Variants in FAM120C observed in about 807,000 individuals in gnomAD.
FAM120C encodes family with sequence similarity 120 member C.
Under a neutral mutation model 71.2 loss-of-function variants are expected in FAM120C, and 14 were observed. The ratio of observed to expected loss-of-function variants is 0.20; its 90% CI spans 0.13 to 0.31. FAM120C has a LOEUF of 0.31. FAM120C is among the 10% of genes least tolerant of loss of function. The pLI is 1.00. For missense variants in FAM120C, 500 were observed against 879.0 expected (o/e 0.57, Z 5.45); for synonymous variants, 354 against 353.2 (o/e 1.00, Z -0.03).
chrX:54,091,496 T>C, intron 10 of FAM120C, 70 bp from the exon 11 acceptor site: 1 of 762,206 alleles, frequency 1.3e-6, no homozygotes, highest in Non-Finnish European at 1.9e-6. Context: ...CTTATTAAGC[T>C]AAGAACCTAT....
chrX:54,127,249 GA>G (rs1403036609), intron 9 of FAM120C, among the ~76,000 whole-genome samples: 4 of 110,919 alleles, frequency 3.6e-5, no homozygotes, highest in African/African-American at 1.3e-4. Context: ...ATATATTGAT[GA>G]AGGATACTGG....
At position 54,087,390 on chromosome X, in the gene FAM120C, C is replaced by CA. The variant is rs371884994; in HGVS notation, c.2637+364dup. Among the ~76,000 whole-genome samples the CA allele has an allele frequency of 1.4e-3, 121 of 89,621 alleles. 1 individual carries two copies. Among genetic ancestry groups the CA allele is most frequent in the African/African-American group, 3.0e-3 (73 of 24,489 alleles). The allele number at this position is 89,621 out of a possible 115,157, so 77.8% of individuals were successfully genotyped here. A position where few individuals can be genotyped will look rare whatever the true frequency, so the allele number is the denominator to read the frequency against. On this transcript the variant is annotated intron_variant, in intron 12 of 15. Transcript: ENST00000375180. The stretch of plus-strand genomic sequence containing the variant: ...TCTGTTTCCAAACACAGCTCCTTTA[C>CA]AAAAAAAAAAAATTGCTTGCAAAAG...
intron 9 of FAM120C, among the ~76,000 whole-genome samples, chrX:54,128,595 T>C (rs1192011405): frequency 9.0e-6 from 1 of 110,739 alleles, no homozygotes; most frequent in East Asian, 2.8e-4. Context: ...AGGTCTCTGG[T>C]TTTCCTAGGC....
At chrX:54,179,374 G>A (rs781783996) in intron 1 of FAM120C, among the ~76,000 whole-genome samples, 1 of 112,201 alleles carries the variant, frequency 8.9e-6, no homozygotes, top group South Asian at 3.7e-4. Context: ...AAAGAGGGGA[G>A]AGATACAGTA....
intron 1 of FAM120C, among the ~76,000 whole-genome samples, chrX:54,169,832 C>A (rs1246114242): frequency 8.9e-6 from 1 of 112,313 alleles, no homozygotes; most frequent in Non-Finnish European, 1.9e-5. Flanking sequence ...ACTGTTGATG[C>A]AAATATGCAT....
At chrX:54,074,803 G>A (rs1272152559) in intron 15 of FAM120C, among the ~76,000 whole-genome samples, 1 of 112,508 alleles carries the variant, frequency 8.9e-6, no homozygotes, top group Non-Finnish European at 1.9e-5. Flanking sequence ...TTGTAGTGCA[G>A]TGCTGGCTCT....
At chrX:54,144,267 C>T (rs782338046) in intron 4 of FAM120C, among the ~76,000 whole-genome samples, 1,874 of 110,949 alleles carry the variant, frequency 0.017, 18 homozygotes, top group Middle Eastern at 0.023. Context: ...GACAGGGATG[C>T]CCTCTCTCAC....
At chrX:54,097,684 T>C (rs2066859080) in intron 10 of FAM120C, among the ~76,000 whole-genome samples, 1 of 112,113 alleles carries the variant, frequency 8.9e-6, no homozygotes, top group African/African-American at 3.2e-5. Context: ...TTCTCCTTTT[T>C]ATATCTTCTT....
intron 9 of FAM120C, among the ~76,000 whole-genome samples, chrX:54,130,006 C>T (rs936035551): frequency 2.0e-5 from 2 of 100,329 alleles, no homozygotes; most frequent in African/African-American, 7.4e-5. Context: ...AGAGGGAGAC[C>T]GTGGAAAGAG....
chrX:54,153,766 C>T (rs905114263), intron 3 of FAM120C, among the ~76,000 whole-genome samples: 3 of 110,438 alleles, frequency 2.7e-5, no homozygotes, highest in African/African-American at 9.9e-5. Flanking sequence ...TGAGGTTTCA[C>T]CATGTTGGTC....
intron 4 of FAM120C, among the ~76,000 whole-genome samples, chrX:54,141,511 G>A (rs1254572249): frequency 9.0e-6 from 1 of 110,551 alleles, no homozygotes; most frequent in Non-Finnish European, 1.9e-5. Flanking sequence ...AAAAACTACA[G>A]CTAATATCCT....
At chrX:54,142,519 A>C (rs2067130943) in intron 4 of FAM120C, among the ~76,000 whole-genome samples, 1 of 111,977 alleles carries the variant, frequency 8.9e-6, no homozygotes, top group East Asian at 2.8e-4. Context: ...GTCGAACTGC[A>C]AGGCAGCAGC....
At chrX:54,156,534 C>T (rs1557133724) in intron 3 of FAM120C, among the ~76,000 whole-genome samples, 1 of 107,398 alleles carries the variant, frequency 9.3e-6, no homozygotes, top group African/African-American at 3.4e-5. Flanking sequence ...CTGCAACAGT[C>T]TTGATAACAG....
intron 1 of FAM120C, among the ~76,000 whole-genome samples, chrX:54,162,553 G>A (rs1396515828): frequency 8.9e-6 from 1 of 111,864 alleles, no homozygotes; most frequent in African/African-American, 3.3e-5. Context: ...AAAGGACAGA[G>A]AACAGGAGTT....
chrX:54,127,105 A>G (rs1292357446), intron 9 of FAM120C, among the ~76,000 whole-genome samples: 1 of 111,140 alleles, frequency 9.0e-6, no homozygotes, highest in Non-Finnish European at 1.9e-5. Context: ...TTATAAGGGC[A>G]CTAATCTCAT....
chrX:54,100,296 C>T (rs2066875494), intron 10 of FAM120C, among the ~76,000 whole-genome samples: 1 of 111,146 alleles, frequency 9.0e-6, no homozygotes, highest in African/African-American at 3.3e-5. Context: ...CGGAGACCAT[C>T]CTGGCTAACA....
intron 4 of FAM120C, among the ~76,000 whole-genome samples, chrX:54,137,233 G>A (rs1389328925): frequency 3.6e-5 from 4 of 111,307 alleles, no homozygotes; most frequent in African/African-American, 9.8e-5. Flanking sequence ...GATTACAGGC[G>A]TAAGCCACGG....
intron 9 of FAM120C, among the ~76,000 whole-genome samples, chrX:54,118,575 C>T (rs1031475527): frequency 2.7e-5 from 3 of 109,548 alleles, no homozygotes; most frequent in Non-Finnish European, 3.8e-5. Flanking sequence ...CCAGCATTTA[C>T]GGGTGATCCA....
intron 1 of FAM120C, among the ~76,000 whole-genome samples, chrX:54,162,414 C>T (rs782282189): frequency 3.6e-5 from 4 of 111,872 alleles, no homozygotes; most frequent in Non-Finnish European, 5.6e-5. Flanking sequence ...CCTCTTCACT[C>T]TTATAGCACA....
Sources: gnomAD v4.1 joint callset for allele counts (sites outside exome capture counted in the v4.1 genomes callset) on GRCh38, gnomAD v4.1.1 for gene constraint, MANE v1.5 for transcripts, NCBI Gene and HGNC (gene_info 2026-07-23, HGNC 2026-07-21) for gene names.